ADARB1: variants seen among roughly 807,000 people sequenced by gnomAD.
ADARB1 encodes double-stranded RNA-specific editase 1.
Under a neutral mutation model 52.4 loss-of-function variants are expected in ADARB1, and 10 were observed. The observed-to-expected ratio is 0.19, with a 90% CI of 0.12 to 0.32. The LOEUF (loss-of-function observed/expected upper bound fraction) is 0.32, where lower values mean the gene tolerates loss of function less well. Among genes scored for constraint, ADARB1 ranks in the 10% least tolerant of loss-of-function variants. The probability of loss-of-function intolerance (pLI) is 1.00; values close to 1 mark genes in which losing one functional copy is unlikely to be tolerated. For missense variants in ADARB1, 643 were observed against 922.3 expected (o/e 0.70, Z 3.92); for synonymous variants, 349 against 371.1 (o/e 0.94, Z 0.68).
intron 8 of ADARB1, among the ~76,000 whole-genome samples, chr21:45,197,112 A>G (rs1450646627): frequency 6.6e-6 from 1 of 152,200 alleles, no homozygotes; most frequent in African/African-American, 2.4e-5. Flanking sequence ...CAGGAGGCGG[A>G]GGTTGCAGTG....
At position 45,157,643 on chromosome 21, in the gene ADARB1, G is replaced by C. The variant is rs369779472; in HGVS notation, c.-47-13967G>C. On this transcript the variant is annotated intron_variant, in intron 2 of 10. Coordinates refer to ENST00000348831, the MANE Select transcript of ADARB1 (RefSeq NM_001112.4). The surrounding 1 kb of genome is among the most constrained non-coding windows in gnomAD (Gnocchi z 4.1). The stretch of plus-strand genomic sequence containing the variant: ...TGCCTGACTGAGGCGGGAAACAAGC[G>C]TGTGGATCAGTGTGGCTCTGTATGT... 1.3e-5 allele frequency among the ~76,000 whole-genome samples: 2 copies of C among 152,184 alleles called. No individual in the cohort carries two copies. The highest frequency in any genetic ancestry group is 6.5e-5 in the Admixed American group (1 of 15,284).
intron 1 of ADARB1, among the ~76,000 whole-genome samples, chr21:45,103,916 T>C (rs1317873789): frequency 6.6e-6 from 1 of 152,260 alleles, no homozygotes; most frequent in Non-Finnish European, 1.5e-5. Flanking sequence ...GTGGTTCCAC[T>C]AGTTTTCTTT....
intron 9 of ADARB1, among the ~76,000 whole-genome samples, chr21:45,210,712 C>T (rs1386085851): frequency 2.6e-5 from 4 of 152,228 alleles, no homozygotes. Flanking sequence ...GTCCCTAGGA[C>T]AAGTACAGCT....
intron 9 of ADARB1, among the ~76,000 whole-genome samples, chr21:45,214,929 C>A (rs2092833648): frequency 6.6e-6 from 1 of 152,154 alleles, no homozygotes; most frequent in Non-Finnish European, 1.5e-5. Flanking sequence ...CTGGTTAGGA[C>A]CTCCAGTACA....
In ADARB1 at chr21:45,199,565, A is replaced by C. The variant is rs116799691; in HGVS notation, c.1566-4990A>C. ...TCTGTGCAGAGAAGCAGCCCACCAT[A>C]CACTATCCAAAGCACATGCTAGGAC... On this transcript the variant is annotated intron_variant, in intron 8 of 10. Coordinates refer to ENST00000348831, the MANE Select transcript of ADARB1 (RefSeq NM_001112.4). Among the ~76,000 whole-genome samples the C allele has an allele frequency of 6.9e-3, 1,045 of 152,326 alleles. 16 individuals are homozygous for C. The highest frequency in any genetic ancestry group is 0.024 in the African/African-American group (999 of 41,568).
At chr21:45,113,819 A>G (rs919119941) in intron 1 of ADARB1, among the ~76,000 whole-genome samples, 17 of 152,182 alleles carry the variant, frequency 1.1e-4, no homozygotes, top group African/African-American at 4.1e-4. Context: ...TGCGGAGATC[A>G]GTTTTAGCTC....
intron 2 of ADARB1, among the ~76,000 whole-genome samples, chr21:45,143,581 A>G (rs1407400830): frequency 1.3e-5 from 2 of 152,150 alleles, no homozygotes; most frequent in Admixed American, 1.3e-4. Flanking sequence ...TTGCCACCAT[A>G]TGACTGCCAT....
chr21:45,204,568 G>A lies in ADARB1; in HGVS notation c.1579G>A (p.Gly527Ser). 1 of 1,613,984 alleles carries A rather than the reference G, an allele frequency of 6.2e-7. No individual in the cohort carries two copies. The highest frequency in any genetic ancestry group is 8.5e-7 in the Non-Finnish European group (1 of 1,179,968). ...SDKIARWNVVGIQGSLLSIFV... is the reference protein window; with the variant it reads ...SDKIARWNVVSIQGSLLSIFV... ...TTCTCCCTCCAGCTGGAACGTGGTG[G>A]GCATCCAGGGATCCCTGCTCAGCAT... The change falls in exon 9 of 11, where the codon GGC becomes AGC. Residue 527 changes from glycine (G) to serine (S), a missense_variant. By Grantham distance (56) the Gly-to-Ser change is moderately conservative. Transcript: ENST00000348831. The surrounding 1 kb of genome is among the most constrained non-coding windows in gnomAD (Gnocchi z 4.4).
At chr21:45,122,775 C>T (rs914482023) in intron 1 of ADARB1, among the ~76,000 whole-genome samples, 3 of 152,220 alleles carry the variant, frequency 2.0e-5, no homozygotes, top group Non-Finnish European at 4.4e-5. Flanking sequence ...TTGGCCGTAG[C>T]TTGCGAGCTT....
chr21:45,202,923 A>C (rs1238898467), intron 8 of ADARB1, among the ~76,000 whole-genome samples: 19 of 118,122 alleles, frequency 1.6e-4, no homozygotes, highest in East Asian at 4.8e-4. Flanking sequence ...TGAGCGTCTA[A>C]CCCTGCAGCG....
chr21:45,143,702 C>T (rs776814882), intron 2 of ADARB1, among the ~76,000 whole-genome samples: 2 of 152,208 alleles, frequency 1.3e-5, no homozygotes, highest in African/African-American at 2.4e-5. Context: ...TGTTCCTGGG[C>T]GGTTTCAGGT....
At position 45,114,821 on chromosome 21, in the gene ADARB1, C is replaced by T. The variant is rs962916654; in HGVS notation, c.-219-13581C>T. On this transcript the variant is annotated intron_variant, in intron 1 of 10. Transcript: ENST00000348831. ...AGGCACTGTTACTAACCTTCTCCTG[C>T]CAGAGGGAACGCTTGAGATGCTGCA... is the stretch of plus-strand genomic sequence containing the variant. 3.9e-5 allele frequency among the ~76,000 whole-genome samples: 6 copies of T among 152,330 alleles called. 1 individual carries two copies. The highest frequency in any genetic ancestry group is 6.8e-3 in the Middle Eastern group (2 of 294).
Position 45,074,846 on chromosome 21 carries a change from C to T in ADARB1, c.-220+53C>T, listed in dbSNP as rs547535148. ...TCGGGCGGGCGCGGGCTCCGGACCCCGCGGTGGCGGCGTTTATGTAAGCGC... is the reference window on the plus strand; with the variant it reads ...TCGGGCGGGCGCGGGCTCCGGACCCTGCGGTGGCGGCGTTTATGTAAGCGC... On this transcript the variant is annotated intron_variant, in intron 1 of 10. Transcript: ENST00000348831. 151 of 148,690 alleles carry T rather than the reference C, an allele frequency of 1.0e-3. 2 individuals carry two copies. Among genetic ancestry groups the T allele is most frequent in the African/African-American group, 3.3e-3 (134 of 40,952 alleles). The allele number at this position is 148,690 out of a possible 1,614,324, so 9.2% of individuals were successfully genotyped here.
chr21:45,217,596 T>C (rs2092889309), intron 9 of ADARB1, among the ~76,000 whole-genome samples: 1 of 152,192 alleles, frequency 6.6e-6, no homozygotes, highest in South Asian at 2.1e-4. Flanking sequence ...TAAAGGAATT[T>C]AAATAATAAG....
intron 1 of ADARB1, among the ~76,000 whole-genome samples, chr21:45,113,497 A>G (rs550024525): frequency 0.011 from 1,659 of 146,434 alleles, 49 homozygotes; most frequent in African/African-American, 0.037. Context: ...GTGTGTATAT[A>G]TGTGTGTGTG....
Position 45,221,939 on chromosome 21 carries a change from A to G in ADARB1, c.1927-79A>G. On this transcript the variant is annotated intron_variant, in intron 10 of 10. Transcript: ENST00000348831. This position sits in a 1 kb window ranked among gnomAD's most constrained non-coding sequence, Gnocchi z 4.9. ...AGAAGCCAATGCAGTTCTGAAGGCC[A>G]TGTTTTGGTATCTTATTAGGTGTTG... is the stretch of plus-strand genomic sequence containing the variant. 2 of 1,480,338 alleles carry G rather than the reference A, an allele frequency of 1.4e-6. No individual in the cohort carries two copies. The highest frequency in any genetic ancestry group is 2.8e-5 in the African/African-American group (2 of 72,022). The allele number at this position is 1,480,338 out of a possible 1,614,324, so 91.7% of individuals were successfully genotyped here.
At chr21:45,134,779 G>T in intron 2 of ADARB1, 1 of 533,904 alleles carries the variant, frequency 1.9e-6, no homozygotes, top group African/African-American at 1.9e-5. Flanking sequence ...ACCCCCTAGA[G>T]GCCAGGCCCA....
chr21:45,147,711 G>A (rs991916127), intron 2 of ADARB1, among the ~76,000 whole-genome samples: 8 of 152,170 alleles, frequency 5.3e-5, no homozygotes, highest in African/African-American at 1.7e-4. Flanking sequence ...GTCGTGCCCC[G>A]CGTGTTGCTC....
chr21:45,162,114 G>A (rs1366626504), intron 2 of ADARB1, among the ~76,000 whole-genome samples: 3 of 152,190 alleles, frequency 2.0e-5, no homozygotes, highest in Admixed American at 6.5e-5. Context: ...AGGAGAGGAG[G>A]AGAGAAGGAG....
Sources: allele counts gnomAD v4.1 joint callset (sites outside exome capture counted in the v4.1 genomes callset), GRCh38; gene constraint gnomAD v4.1.1; non-coding constraint Gnocchi (gnomAD v3.1); transcripts MANE v1.5; gene names NCBI Gene and HGNC (gene_info 2026-07-23, HGNC 2026-07-21).